Variants in MACROD1 observed in about 807,000 individuals in gnomAD.
MACROD1 encodes mono-ADP ribosylhydrolase 1, also known as ADP-ribose glycohydrolase MACROD1.
MACROD1 carries 31 observed loss-of-function variants against 41.4 expected under a neutral mutation model. The ratio of observed to expected loss-of-function variants is 0.75; its 90% CI spans 0.56 to 1.01. The LOEUF is 1.01. Among genes scored for constraint, MACROD1 ranks in the 50% least tolerant of loss-of-function variants. The pLI, the probability that MACROD1 is intolerant of heterozygous loss-of-function variation, is 0.00. For missense variants in MACROD1, 473 were observed against 460.0 expected, an observed-to-expected ratio of 1.03 and a Z score of -0.26; for synonymous variants, 252 against 203.4, an observed-to-expected ratio of 1.24 and a Z score of -2.03.
chr11:64,011,020 A>G (rs1434384907), intron 4 of MACROD1, among the ~76,000 whole-genome samples: 699 of 57,662 alleles, frequency 0.012, no homozygotes, highest in Middle Eastern at 0.034. Flanking sequence ...GTGTTGGTTG[A>G]GGTGTTGGTT....
At chr11:64,126,550 G>A (rs945672290) in intron 3 of MACROD1, among the ~76,000 whole-genome samples, 4 of 152,118 alleles carry the variant, frequency 2.6e-5, no homozygotes, top group Non-Finnish European at 2.9e-5. Context: ...TTCCCTTTCC[G>A]GATGTTAACA....
intron 3 of MACROD1, among the ~76,000 whole-genome samples, chr11:64,123,542 G>T (rs956488272): frequency 7.2e-6 from 1 of 138,768 alleles, no homozygotes; most frequent in African/African-American, 2.6e-5. Context: ...GTGGGGTGGG[G>T]GGGTTGGGGG....
intron 3 of MACROD1, among the ~76,000 whole-genome samples, chr11:64,132,006 A>G (rs533819095): frequency 7.2e-5 from 11 of 152,252 alleles, no homozygotes; most frequent in Non-Finnish European, 1.6e-4. Flanking sequence ...CAGCCCTGGA[A>G]GTGGGGCCTC....
At chr11:64,076,362 G>C (rs551019734) in intron 3 of MACROD1, among the ~76,000 whole-genome samples, 19 of 152,340 alleles carry the variant, frequency 1.2e-4, no homozygotes, top group African/African-American at 4.3e-4. Flanking sequence ...CTGGTGCCCA[G>C]AGCAGCCTGG....
chr11:64,125,924 A>C (rs115659188), intron 3 of MACROD1, among the ~76,000 whole-genome samples: 127 of 152,300 alleles, frequency 8.3e-4, no homozygotes, highest in African/African-American at 2.9e-3. Flanking sequence ...TAGACGGGAA[A>C]AAACAAACGC....
At chr11:64,072,028 A>G (rs887647722) in intron 3 of MACROD1, among the ~76,000 whole-genome samples, 5 of 152,202 alleles carry the variant, frequency 3.3e-5, no homozygotes, top group African/African-American at 1.2e-4. Flanking sequence ...CAAACGCACT[A>G]TTGACCGCCG....
At chr11:64,038,336 C>T (rs995596023) in intron 3 of MACROD1, among the ~76,000 whole-genome samples, 1 of 152,212 alleles carries the variant, frequency 6.6e-6, no homozygotes, top group African/African-American at 2.4e-5. Flanking sequence ...CAGGGGTTTA[C>T]AGCAGTTGTC....
chr11:64,022,068 A>G (rs1419029205), intron 3 of MACROD1, among the ~76,000 whole-genome samples: 1 of 150,370 alleles, frequency 6.7e-6, no homozygotes, highest in African/African-American at 2.5e-5. Context: ...AGGCCTTGAG[A>G]CCTCAGGGGC....
chr11:64,065,721 C>T (rs976837824), intron 3 of MACROD1, among the ~76,000 whole-genome samples: 3 of 143,504 alleles, frequency 2.1e-5, no homozygotes, highest in Non-Finnish European at 3.0e-5. Context: ...ACCCGGGAGG[C>T]GGAGCTTGCA....
chr11:64,078,663 T>C (rs1944248192), intron 3 of MACROD1, among the ~76,000 whole-genome samples: 1 of 152,118 alleles, frequency 6.6e-6, no homozygotes, highest in Non-Finnish European at 1.5e-5. Flanking sequence ...CCTACAAATA[T>C]GTGCTCTTCA....
intron 3 of MACROD1, among the ~76,000 whole-genome samples, chr11:64,029,683 AGCT>A (rs1411314674): frequency 7.3e-5 from 11 of 151,446 alleles, no homozygotes; most frequent in Non-Finnish European, 1.5e-4. Context: ...CATGCCCATG[AGCT>A]GCTCGTCACA....
chr11:64,013,768 C>T (rs1226386295), intron 4 of MACROD1, among the ~76,000 whole-genome samples: 1 of 152,212 alleles, frequency 6.6e-6, no homozygotes, highest in African/African-American at 2.4e-5. Flanking sequence ...CTTGGCTGGG[C>T]TCCAGTCATT....
intron 3 of MACROD1, among the ~76,000 whole-genome samples, chr11:64,066,800 C>T (rs1006944953): frequency 6.6e-6 from 1 of 152,206 alleles, no homozygotes; most frequent in African/African-American, 2.4e-5. Flanking sequence ...AACTATCCTA[C>T]GAGAACTCCA....
chr11:64,042,863 CCA>C (rs375313327), intron 3 of MACROD1, among the ~76,000 whole-genome samples: 52 of 152,332 alleles, frequency 3.4e-4, no homozygotes, highest in Middle Eastern at 3.4e-3. Flanking sequence ...GTGCCACACC[CCA>C]GTTTCCAGGG....
intron 3 of MACROD1, among the ~76,000 whole-genome samples, chr11:64,114,256 G>GTGGATGGA (rs1555025643): frequency 6.5e-4 from 89 of 137,820 alleles, no homozygotes; most frequent in Non-Finnish European, 1.0e-3. Context: ...GGATGGTTAG[G>GTGGATGGA]TGGATGGATG....
chr11:64,153,715 T>C lies in MACROD1; in HGVS notation c.299-1322A>G, dbSNP rs573850085. ...CATCACAAAAGGCTAGGCCCACCCC[T>C]GGTCAGCCCCCACTGCTGCTCAAGC... On this transcript the variant is annotated intron_variant, in intron 1 of 10. Transcript: ENST00000255681. Among the ~76,000 whole-genome samples the C allele has an allele frequency of 1.6e-3, 244 of 152,082 alleles. 1 individual carries two copies. The highest frequency in any genetic ancestry group is 2.4e-3 in the Non-Finnish European group (163 of 67,934).
At chr11:64,041,485 G>A (rs1226975975) in intron 3 of MACROD1, among the ~76,000 whole-genome samples, 4 of 152,056 alleles carry the variant, frequency 2.6e-5, no homozygotes, top group Admixed American at 2.6e-4. Flanking sequence ...GGGGAGTGAG[G>A]AGGGTGCCCG....
intron 3 of MACROD1, among the ~76,000 whole-genome samples, chr11:64,031,216 C>A (rs1009402342): frequency 2.3e-4 from 35 of 152,148 alleles, no homozygotes; most frequent in African/African-American, 8.4e-4. Flanking sequence ...TTGCTGACTT[C>A]ACCCTACCTG....
At chr11:64,001,961 A>G in intron 4 of MACROD1, 1 of 599,274 alleles carries the variant, frequency 1.7e-6, no homozygotes, top group South Asian at 1.9e-5. Flanking sequence ...ATGGGATAAT[A>G]GCACCCACCT....
Sources: gnomAD v4.1 joint callset for allele counts (sites outside exome capture counted in the v4.1 genomes callset) on GRCh38, gnomAD v4.1.1 for gene constraint, MANE v1.5 for transcripts, NCBI Gene and HGNC (gene_info 2026-07-23, HGNC 2026-07-21) for gene names.